GALNT13: variants seen among roughly 807,000 people sequenced by gnomAD.
The protein encoded by GALNT13 is polypeptide N-acetylgalactosaminyltransferase 13.
Under a neutral mutation model 64.2 loss-of-function variants are expected in GALNT13, and 28 were observed. The observed-to-expected ratio is 0.44, with a 90% CI of 0.32 to 0.60. The LOEUF is 0.60. GALNT13 is among the 20% of genes least tolerant of loss of function. The probability of loss-of-function intolerance (pLI) is 0.05; values close to 1 mark genes in which losing one functional copy is unlikely to be tolerated. For missense variants in GALNT13, 577 were observed against 669.8 expected (o/e 0.86, Z 1.53); for synonymous variants, 214 against 224.6 (o/e 0.95, Z 0.42).
intron 9 of GALNT13, among the ~76,000 whole-genome samples, chr2:154,323,373 A>G (rs1694724844): frequency 6.6e-6 from 1 of 152,012 alleles, no homozygotes; most frequent in Admixed American, 6.6e-5. Context: ...CTTTGAGTAA[A>G]GAGGGTTGAG....
At chr2:154,181,424 A>AT (rs1292945508) in intron 4 of GALNT13, among the ~76,000 whole-genome samples, 1 of 152,142 alleles carries the variant, frequency 6.6e-6, no homozygotes, top group East Asian at 1.9e-4. Context: ...TTACATTAAC[A>AT]TTTTTTCTCT....
At chr2:153,654,056 A>T in the GALNT13 span, among the ~76,000 whole-genome samples, 5 of 152,208 alleles carry the variant, frequency 3.3e-5, no homozygotes, top group Middle Eastern at 3.4e-3. Context: ...GATAAGATGC[A>T]TTAAGATACA....
the GALNT13 span, among the ~76,000 whole-genome samples, chr2:153,293,379 A>G: frequency 1.3e-5 from 2 of 152,136 alleles, no homozygotes; most frequent in Non-Finnish European, 2.9e-5. Context: ...GAAGATATGA[A>G]GATCGAAGCA....
the GALNT13 span, among the ~76,000 whole-genome samples, chr2:153,075,822 A>G: frequency 6.6e-6 from 1 of 152,136 alleles, no homozygotes; most frequent in Admixed American, 6.6e-5. Flanking sequence ...AAATATGCAT[A>G]TATATTGTAT....
At chr2:153,438,309 G>A in the GALNT13 span, among the ~76,000 whole-genome samples, 2 of 152,122 alleles carry the variant, frequency 1.3e-5, no homozygotes, top group Admixed American at 1.3e-4. Context: ...GTGTCTTGGA[G>A]TTGCTCTTCT....
chr2:153,602,573 A>C, the GALNT13 span, among the ~76,000 whole-genome samples: 10 of 151,810 alleles, frequency 6.6e-5, no homozygotes, highest in African/African-American at 2.2e-4. Flanking sequence ...CAAGTACAGA[A>C]TCCTTGGATT....
intron 9 of GALNT13, among the ~76,000 whole-genome samples, chr2:154,361,400 C>G (rs1018102786): frequency 4.6e-5 from 7 of 152,028 alleles, no homozygotes; most frequent in African/African-American, 1.7e-4. Context: ...ACTAGACGGT[C>G]TATAATTCTT....
chr2:153,608,467 G>A, the GALNT13 span, among the ~76,000 whole-genome samples: 10 of 151,992 alleles, frequency 6.6e-5, no homozygotes, highest in African/African-American at 1.9e-4. Context: ...ACTCGCCACC[G>A]TGTATAGTTT....
At chr2:153,558,536 G>C in the GALNT13 span, among the ~76,000 whole-genome samples, 3 of 151,938 alleles carry the variant, frequency 2.0e-5, no homozygotes, top group African/African-American at 7.2e-5. Flanking sequence ...ACTTTAAGTA[G>C]CAAATTGAGC....
chr2:154,359,268 C>G (rs1235207643), intron 9 of GALNT13, among the ~76,000 whole-genome samples: 1 of 151,978 alleles, frequency 6.6e-6, no homozygotes, highest in African/African-American at 2.4e-5. Context: ...GGGACAAGTC[C>G]CAGGTAGCCA....
At chr2:153,525,184 G>C in the GALNT13 span, among the ~76,000 whole-genome samples, 1 of 152,160 alleles carries the variant, frequency 6.6e-6, no homozygotes, top group Non-Finnish European at 1.5e-5. Context: ...GAAGAAACCA[G>C]TTCTAACAGC....
the GALNT13 span, among the ~76,000 whole-genome samples, chr2:153,336,436 G>T: frequency 2.0e-5 from 3 of 152,300 alleles, no homozygotes; most frequent in African/African-American, 7.2e-5. Flanking sequence ...GCATGACCTG[G>T]ATGTGAGACC....
the GALNT13 span, among the ~76,000 whole-genome samples, chr2:153,676,031 A>G: frequency 6.6e-5 from 10 of 152,252 alleles, no homozygotes; most frequent in African/African-American, 2.4e-4. Context: ...TGAACCATAT[A>G]AAATTGAGAC....
the GALNT13 span, among the ~76,000 whole-genome samples, chr2:153,293,689 T>G: frequency 6.6e-6 from 1 of 152,174 alleles, no homozygotes; most frequent in Non-Finnish European, 1.5e-5. Context: ...ATATCCGTGT[T>G]GAAACATAGT....
chr2:153,955,388 G>A (rs1692492794), intron 3 of GALNT13, among the ~76,000 whole-genome samples: 2 of 152,170 alleles, frequency 1.3e-5, no homozygotes, highest in East Asian at 1.9e-4. Context: ...TTATGGACAT[G>A]TGAAAATTGG....
chr2:153,630,091 G>C, the GALNT13 span, among the ~76,000 whole-genome samples: 4,755 of 149,356 alleles, frequency 0.032, 96 homozygotes, highest in Middle Eastern at 0.059. Flanking sequence ...TCAGTGTGGC[G>C]ATTCCTCAGG....
intron 9 of GALNT13, among the ~76,000 whole-genome samples, chr2:154,330,263 G>T (rs1050899682): frequency 1.3e-5 from 2 of 152,082 alleles, no homozygotes; most frequent in Admixed American, 6.6e-5. Context: ...TGGTGGAGGG[G>T]CTAAAGCCTC....
chr2:153,363,223 C>A, the GALNT13 span, among the ~76,000 whole-genome samples: 1 of 152,110 alleles, frequency 6.6e-6, no homozygotes, highest in Admixed American at 6.6e-5. Flanking sequence ...CTCCGAGACA[C>A]TGCTAAAGCA....
chr2:154,190,408 T>G (rs574095714), intron 4 of GALNT13, among the ~76,000 whole-genome samples: 9 of 152,330 alleles, frequency 5.9e-5, no homozygotes, highest in African/African-American at 1.2e-4. Context: ...GTGATTAACA[T>G]GCTGGGTTAA....
Sources: allele counts gnomAD v4.1 joint callset (sites outside exome capture counted in the v4.1 genomes callset), GRCh38; gene constraint gnomAD v4.1.1; transcripts MANE v1.5; gene names NCBI Gene and HGNC (gene_info 2026-07-23, HGNC 2026-07-21).